Variants in ABCA10 observed in about 807,000 individuals in gnomAD.
The protein encoded by ABCA10 is ATP binding cassette subfamily A member 10.
In ABCA10, 169 loss-of-function variants were observed where a neutral mutation model predicts 187.5. That is an observed-to-expected ratio of 0.90 (90% CI 0.80 to 1.02). The LOEUF (loss-of-function observed/expected upper bound fraction) is 1.02, where lower values mean the gene tolerates loss of function less well. Ranked by LOEUF, ABCA10 falls within the 50% of genes least tolerant of loss-of-function variation. The pLI, the probability that ABCA10 is intolerant of heterozygous loss-of-function variation, is 0.00. For missense variants in ABCA10, 1,727 were observed against 1,812.4 expected (o/e 0.95, Z 0.86); for synonymous variants, 574 against 601.8 (o/e 0.95, Z 0.68).
upstream of ABCA10, among the ~76,000 whole-genome samples, chr17:69,230,434 T>A (rs527558572): frequency 1.3e-3 from 203 of 152,218 alleles, 2 homozygotes; most frequent in African/African-American, 4.7e-3. Flanking sequence ...GGAGAGGTCA[T>A]ATAAAATCCT....
chr17:69,150,032 C>A lies in ABCA10; in HGVS notation c.4429G>T (p.Val1477Leu), dbSNP rs146584632. 22 of 1,613,120 alleles carry A rather than the reference C, an allele frequency of 1.4e-5. No homozygotes were observed. The highest frequency in any genetic ancestry group is 1.8e-5 in the Non-Finnish European group (21 of 1,179,458). ...YSSLMAYKLPVEDVHPLSRAF... is the reference protein window; with the variant it reads ...YSSLMAYKLPLEDVHPLSRAF... Reference sequence around the variant, plus strand: ...CGAGATAGAGGGTGGACATCCTCCACAGGTAACTTATACGCCATTAAAGAG... The same window carrying A: ...CGAGATAGAGGGTGGACATCCTCCAAAGGTAACTTATACGCCATTAAAGAG... The change falls in exon 37 of 39, where the codon GTG becomes TTG. Residue 1477 changes from valine to leucine, a missense_variant. By Grantham distance (32) the Val-to-Leu change is conservative. Coordinates refer to ENST00000690296, the MANE Select transcript of ABCA10 (RefSeq NM_001377321.1).
chr17:69,193,244 A>C lies in ABCA10; in HGVS notation c.1646T>G (p.Leu549Trp), dbSNP rs2074474630. 2 of 1,612,512 alleles carry C rather than the reference A, an allele frequency of 1.2e-6. No individual in the cohort carries two copies. Among genetic ancestry groups the C allele is most frequent in the African/African-American group, 2.7e-5 (2 of 74,804 alleles). The change falls in exon 15 of 39, where the codon TTG becomes TGG. Residue 549 changes from leucine to tryptophan, a missense_variant. Coordinates refer to ENST00000690296, the MANE Select transcript of ABCA10 (RefSeq NM_001377321.1). ...GIAILGDPQV[L>W]LLDEPTAGLD... ...TCCAGCAGTTGGTTCATCTAGCAGC[A>C]AAACCTACAGAGGAGGAAACGTATG...
In ABCA10 at chr17:69,168,143, A is replaced by G. The variant is rs185981302; in HGVS notation, c.3163-3060T>C. On this transcript the variant is annotated intron_variant, in intron 25 of 38. Coordinates refer to ENST00000690296, the MANE Select transcript of ABCA10 (RefSeq NM_001377321.1). Reference sequence around the variant, plus strand: ...CTTTTCTCTAGCTTACTTTATTGTGAGAATACAGTATATAATATATATATA... The same window carrying G: ...CTTTTCTCTAGCTTACTTTATTGTGGGAATACAGTATATAATATATATATA... 1.8e-3 allele frequency among the ~76,000 whole-genome samples: 279 copies of G among 152,236 alleles called. 2 individuals carry two copies. Among genetic ancestry groups the G allele is most frequent in the African/African-American group, 6.4e-3 (264 of 41,534 alleles).
At chr17:69,187,981 CAAGTT>C (rs1318784345) in intron 18 of ABCA10, 102 bp from the exon 19 acceptor site, 7 of 1,041,076 alleles carry the variant, frequency 6.7e-6, no homozygotes, top group South Asian at 6.4e-5. Context: ...GCACTTCCAA[CAAGTT>C]AAGCTACTGA....
At chr17:69,212,953 T>C (rs959297995) in intron 9 of ABCA10, among the ~76,000 whole-genome samples, 3 of 152,192 alleles carry the variant, frequency 2.0e-5, no homozygotes, top group African/African-American at 7.2e-5. Flanking sequence ...ACATTCAATG[T>C]GGGTATTGAG....
intron 36 of ABCA10, chr17:69,150,561 A>C (rs2074120230): frequency 6.5e-6 from 1 of 153,030 alleles, no homozygotes; most frequent in African/African-American, 2.4e-5. Flanking sequence ...CAAACTTTTC[A>C]AAAGCATTAA....
At chr17:69,179,199 A>C (rs1048022904) in intron 22 of ABCA10, among the ~76,000 whole-genome samples, 6 of 83,858 alleles carry the variant, frequency 7.2e-5, no homozygotes, top group Middle Eastern at 7.2e-3. Flanking sequence ...AAACAAAAAA[A>C]CAAAACAAAC....
At chr17:69,231,602 T>C (rs1290001129), upstream of ABCA10, among the ~76,000 whole-genome samples, 1 of 152,176 alleles carries the variant, frequency 6.6e-6, no homozygotes, top group African/African-American at 2.4e-5. Context: ...TATTGATTTC[T>C]AGTTTTATTC....
intron 22 of ABCA10, 25 bp from the exon 23 acceptor site, chr17:69,175,538 A>G: frequency 6.5e-7 from 1 of 1,533,582 alleles, no homozygotes; most frequent in Non-Finnish European, 8.9e-7. Flanking sequence ...CACATCAGTA[A>G]GCTGTTGCAA....
Position 69,193,197 on chromosome 17 carries a change from G to A in ABCA10, c.1693C>T (p.Arg565Ter), listed in dbSNP as rs745885609. The A allele has an allele frequency of 1.5e-5, 24 of 1,613,878 alleles. No individual in the cohort carries two copies. The highest frequency in any genetic ancestry group is 2.7e-5 in the African/African-American group (2 of 74,904). Residue 565 changes from arginine (R) to a stop codon, truncating the protein, a stop_gained, in exon 15 of 39, where the codon CGA (arginine) becomes TGA (stop). Coordinates refer to ENST00000690296, the MANE Select transcript of ABCA10 (RefSeq NM_001377321.1). LOFTEE classifies it high-confidence loss of function. ...TAGLDPFSRHRVWSLLKEHKV... is the reference protein window; with the variant it reads ...TAGLDPFSRH ...TGCTCCTTCAGGAGGCTCCACACTC[G>A]GTGTCTTGAAAAGGGATCCAATCCA...
chr17:69,153,226 A>G (rs530952082), intron 34 of ABCA10, 79 bp downstream of exon 34: 8 of 1,507,964 alleles, frequency 5.3e-6, no homozygotes, highest in Admixed American at 2.2e-5. Context: ...AAATGTAACA[A>G]AGAAACAAAA....
rs2074107981 is a variant in ABCA10, at chr17:69,148,928, A to G, written c.4534-3T>C. ...TCTTTACAGAGTTCTAAGAATACCT[A>G]AGTAAGAGAAAATAAAAAAGATACA... is the stretch of plus-strand genomic sequence containing the variant. On this transcript the variant is annotated splice_region_variant and splice_polypyrimidine_tract_variant and intron_variant, in intron 38 of 38. Transcript: ENST00000690296. 1.9e-6 allele frequency: 3 copies of G among 1,613,022 alleles called. No homozygotes were observed. The highest frequency in any genetic ancestry group is 1.7e-6 in the Non-Finnish European group (2 of 1,179,244).
chr17:69,157,446 A>C (rs1350057555), intron 27 of ABCA10, among the ~76,000 whole-genome samples: 1 of 152,184 alleles, frequency 6.6e-6, no homozygotes, highest in East Asian at 1.9e-4. Context: ...AAGAACCCTC[A>C]GGATATTGCT....
intron 20 of ABCA10, among the ~76,000 whole-genome samples, chr17:69,184,842 T>G (rs2074407558): frequency 1.0e-5 from 1 of 96,800 alleles, no homozygotes. Flanking sequence ...GTTATATATA[T>G]ATGTATATGT....
chr17:69,228,887 G>C (rs1225377709), upstream of ABCA10: 1 of 151,958 alleles, frequency 6.6e-6, no homozygotes, highest in African/African-American at 2.4e-5. Flanking sequence ...CAAAAAAAGA[G>C]ATCAAATTCA....
chr17:69,167,890 TGTAAA>T (rs148197940), intron 25 of ABCA10, among the ~76,000 whole-genome samples: 3,448 of 152,228 alleles, frequency 0.023, 116 homozygotes, highest in African/African-American at 0.079. Flanking sequence ...AATATATTTC[TGTAAA>T]GTTACACCAT....
chr17:69,149,200 C>CTAAA, intron 37 of ABCA10, 112 bp from the exon 38 acceptor site: 1 of 1,116,012 alleles, frequency 9.0e-7, no homozygotes, highest in Admixed American at 2.1e-5. Flanking sequence ...AAGATATAGG[C>CTAAA]CAAATAATTA....
rs186816129 is a variant in ABCA10, at chr17:69,170,539, T to C, written c.3162+3742A>G. On this transcript the variant is annotated intron_variant, in intron 25 of 38. Coordinates refer to ENST00000690296, the MANE Select transcript of ABCA10 (RefSeq NM_001377321.1). ...GTAAGGAGTAATTAAACACTTCCTG[T>C]TTCTGCTTCTGCATTCTATATTTAT... Among the ~76,000 whole-genome samples the C allele has an allele frequency of 3.8e-3, 583 of 152,286 alleles. 5 individuals carry two copies. The highest frequency in any genetic ancestry group is 0.014 in the African/African-American group (562 of 41,562).
intron 25 of ABCA10, among the ~76,000 whole-genome samples, chr17:69,173,218 C>A (rs1411696276): frequency 6.6e-6 from 1 of 152,130 alleles, no homozygotes; most frequent in African/African-American, 2.4e-5. Flanking sequence ...TGTAGTACAA[C>A]CATTGATAAA....
Sources: allele counts gnomAD v4.1 joint callset (sites outside exome capture counted in the v4.1 genomes callset), GRCh38; gene constraint gnomAD v4.1.1; transcripts MANE v1.5; gene names NCBI Gene and HGNC (gene_info 2026-07-23, HGNC 2026-07-21).